The following TNFSF9 variants were observed in gnomAD, a reference collection of about 807,000 sequenced individuals.
TNFSF9 encodes tumor necrosis factor ligand superfamily member 9.
Under a neutral mutation model 10.3 loss-of-function variants are expected in TNFSF9, and 10 were observed. The observed-to-expected ratio is 0.97, with a 90% CI of 0.60 to 1.65. The LOEUF (loss-of-function observed/expected upper bound fraction) is 1.65, where lower values mean the gene tolerates loss of function less well. TNFSF9 is among the 40% of genes most tolerant of loss of function. TNFSF9 has a pLI of 0.00. For synonymous variants in TNFSF9, 195 were observed against 176.1 expected (o/e 1.11, Z -0.85); for missense variants, 361 against 348.9 (o/e 1.03, Z -0.28).
At chr19:6,532,691 G>A (rs1416728765) in intron 1 of TNFSF9, 95 bp from the exon 2 acceptor site, 14 of 1,581,710 alleles carry the variant, frequency 8.9e-6, no homozygotes, top group Non-Finnish European at 1.2e-5. Flanking sequence ...GGTCGGCACA[G>A]ACTCTGGGGA....
chr19:6,534,498 G>A (rs944084642), intron 2 of TNFSF9, 102 bp from the exon 3 acceptor site: 10 of 689,674 alleles, frequency 1.4e-5, no homozygotes, highest in South Asian at 1.3e-4. Context: ...CCCCTGACCC[G>A]TTCTTTTCTC....
chr19:6,534,558 G>T, intron 2 of TNFSF9, 42 bp from the exon 3 acceptor site: 1 of 1,517,982 alleles, frequency 6.6e-7, no homozygotes, highest in South Asian at 1.3e-5. Flanking sequence ...AGCTGTGCTG[G>T]GACATGCTCA....
At chr19:6,532,754 C>G (rs1454310665) in intron 1 of TNFSF9, 32 bp from the exon 2 acceptor site, 1 of 1,613,726 alleles carries the variant, frequency 6.2e-7, no homozygotes, top group Non-Finnish European at 8.5e-7. Context: ...AGGGGAACCC[C>G]CATCCACTTT....
chr19:6,531,110 G>T lies in TNFSF9; in HGVS notation c.74G>T (p.Arg25Leu). 1 of 1,610,632 alleles carries T rather than the reference G, an allele frequency of 6.2e-7. No individual in the cohort carries two copies. Among genetic ancestry groups the T allele is most frequent in the South Asian group, 1.1e-5 (1 of 90,980 alleles). ...CCCGCGCCCCGCGCTCGCGCCTGCC[G>T]CGTACTGCCTTGGGCCCTGGTCGCG... Reference protein sequence around the residue: ...WPPAPRARACRVLPWALVAGL... With the variant: ...WPPAPRARACLVLPWALVAGL... Residue 25 changes from arginine (R) to leucine (L), a missense_variant, in exon 1 of 3, where the codon CGC becomes CTC. By Grantham distance (102) the Arg-to-Leu change is moderately radical. Coordinates refer to ENST00000245817, the MANE Select transcript of TNFSF9 (RefSeq NM_003811.4).
chr19:6,532,207 C>T (rs1915160033), intron 1 of TNFSF9, among the ~76,000 whole-genome samples: 1 of 152,010 alleles, frequency 6.6e-6, no homozygotes, highest in African/African-American at 2.4e-5. Flanking sequence ...GAAGAGGGAT[C>T]GCTTTTCCCT....
At chr19:6,531,999 G>A (rs1024851561) in intron 1 of TNFSF9, among the ~76,000 whole-genome samples, 1 of 151,994 alleles carries the variant, frequency 6.6e-6, no homozygotes, top group Admixed American at 6.5e-5. Flanking sequence ...TTTTTACCCC[G>A]CACCCCCACA....
At position 6,535,758 on chromosome 19, in the gene TNFSF9, G is replaced by C. The variant is rs1053104761; in HGVS notation, c.*692G>C. The C allele has an allele frequency of 6.6e-6, 1 of 152,064 alleles. No homozygotes were observed. Among genetic ancestry groups the C allele is most frequent in the Non-Finnish European group, 1.5e-5 (1 of 68,022 alleles). The allele number at this position is 152,064 out of a possible 1,614,324, so 9.4% of individuals were successfully genotyped here. On this transcript the variant is annotated 3_prime_UTR_variant, in exon 3 of 3. Transcript: ENST00000245817. The stretch of plus-strand genomic sequence containing the variant: ...ATGCAGCCTCCAGCCTCGACCTCCC[G>C]AGGCTCAGGTGATCCTCCCATCTCA...
chr19:6,532,577 G>A (rs1376425704), intron 1 of TNFSF9, among the ~76,000 whole-genome samples: 2 of 151,230 alleles, frequency 1.3e-5, no homozygotes, highest in African/African-American at 2.4e-5. Context: ...GTGGGTGTTC[G>A]TGTGTGTGTT....
At chr19:6,531,959 A>C (rs758448064) in intron 1 of TNFSF9, among the ~76,000 whole-genome samples, 4 of 151,932 alleles carry the variant, frequency 2.6e-5, no homozygotes, top group Non-Finnish European at 4.4e-5. Flanking sequence ...TCCTTTCTCT[A>C]TGTAGGACTT....
chr19:6,531,552 C>A (rs1408337026), intron 1 of TNFSF9, among the ~76,000 whole-genome samples: 1 of 152,016 alleles, frequency 6.6e-6, no homozygotes, highest in East Asian at 1.9e-4. Flanking sequence ...CCCAACAGTT[C>A]TTTTTGGACC....
chr19:6,534,640 A>G lies in TNFSF9; in HGVS notation c.339A>G (p.Pro113=). Reference sequence around the variant, plus strand: ...GGCCCCTGAGCTGGTACAGTGACCCAGGCCTGGCAGGCGTGTCCCTGACGG... The same window carrying G: ...GGCCCCTGAGCTGGTACAGTGACCCGGGCCTGGCAGGCGTGTCCCTGACGG... ...IDGPLSWYSD[P]GLAGVSLTGG... is the part of the protein sequence containing the mutation. The change falls in exon 3 of 3, where the codon CCA becomes CCG. Residue 113 remains proline, a synonymous_variant. Coordinates refer to ENST00000245817, the MANE Select transcript of TNFSF9 (RefSeq NM_003811.4). The G allele has an allele frequency of 6.3e-7, 1 of 1,585,736 alleles. No individual in the cohort carries two copies. The highest frequency in any genetic ancestry group is 8.6e-7 in the Non-Finnish European group (1 of 1,166,548).
intron 2 of TNFSF9, 92 bp from the exon 3 acceptor site, chr19:6,534,508 C>T (rs1369469388): frequency 2.8e-6 from 3 of 1,087,446 alleles, no homozygotes; most frequent in Non-Finnish European, 3.6e-6. Context: ...GTTCTTTTCT[C>T]CCAGGGCTGC....
At position 6,532,469 on chromosome 19, in the gene TNFSF9, G is replaced by C. The variant is rs2145285701; in HGVS notation, c.268-317G>C. 2.0e-5 allele frequency among the ~76,000 whole-genome samples: 3 copies of C among 150,584 alleles called. No individual in the cohort carries two copies. In the East Asian group the frequency reaches 5.9e-4, roughly 29 times the overall value. Reference sequence around the variant, plus strand: ...CATGTGGGTGTGTTTGGATATTTGTGTTCGTGTGTGTCTGTGTGTGTTCGT... The same window carrying C: ...CATGTGGGTGTGTTTGGATATTTGTCTTCGTGTGTGTCTGTGTGTGTTCGT... On this transcript the variant is annotated intron_variant, in intron 1 of 2. Coordinates refer to ENST00000245817, the MANE Select transcript of TNFSF9 (RefSeq NM_003811.4).
intron 1 of TNFSF9, 21 bp from the exon 2 acceptor site, chr19:6,532,765 C>A: frequency 6.2e-7 from 1 of 1,613,722 alleles, no homozygotes; most frequent in Non-Finnish European, 8.5e-7. Flanking sequence ...CATCCACTTT[C>A]CTCCTTTCTA....
rs748359004 is a variant in TNFSF9 at position 6,534,873 on chromosome 19, A to AGGCTCGGAACTC, written c.576_587dup (p.Arg193_Ala196dup). 6 of 1,607,448 alleles carry AGGCTCGGAACTC rather than the reference A, an allele frequency of 3.7e-6. No homozygotes were observed. The African/African-American group carries it at 8.0e-5, about 21-fold the overall frequency. On this transcript the variant is annotated inframe_insertion, in exon 3 of 3. Coordinates refer to ENST00000245817, the MANE Select transcript of TNFSF9 (RefSeq NM_003811.4). The stretch of plus-strand genomic sequence containing the variant: ...GTGGACCTGCCACCCGCCTCCTCCG[A>AGGCTCGGAACTC]GGCTCGGAACTCGGCCTTCGGTTTC...
Position 6,535,434 on chromosome 19 carries a change from C to G in TNFSF9, c.*368C>G, listed in dbSNP as rs990573270. On this transcript the variant is annotated 3_prime_UTR_variant, in exon 3 of 3. Coordinates refer to ENST00000245817, the MANE Select transcript of TNFSF9 (RefSeq NM_003811.4). Reference sequence around the variant, plus strand: ...GACTTAGACGATCCTCCTGCCTCAGCCTCCCAAGCAACTGGGATTCATCCT... The same window carrying G: ...GACTTAGACGATCCTCCTGCCTCAGGCTCCCAAGCAACTGGGATTCATCCT... 2 of 151,534 alleles carry G rather than the reference C, an allele frequency of 1.3e-5. No individual in the cohort carries two copies. Among genetic ancestry groups the G allele is most frequent in the African/African-American group, 4.8e-5 (2 of 41,256 alleles). The allele number at this position is 151,534 out of a possible 1,614,324, so 9.4% of individuals were successfully genotyped here.
intron 2 of TNFSF9, among the ~76,000 whole-genome samples, 193 bp from the exon 3 acceptor site, chr19:6,534,407 C>G (rs902858684): frequency 8.2e-6 from 1 of 121,408 alleles, no homozygotes; most frequent in Non-Finnish European, 1.9e-5. Context: ...TCAATCAGCA[C>G]CCCCCCAACG....
At chr19:6,531,575 CCTT>C (rs1336646207) in intron 1 of TNFSF9, among the ~76,000 whole-genome samples, 3 of 152,002 alleles carry the variant, frequency 2.0e-5, no homozygotes, top group East Asian at 3.9e-4. Flanking sequence ...CCAAGGGTCT[CCTT>C]CTTCTAGTCC....
At chr19:6,532,455 GTT>G (rs1263089249) in intron 1 of TNFSF9, among the ~76,000 whole-genome samples, 11 of 151,228 alleles carry the variant, frequency 7.3e-5, no homozygotes, top group Non-Finnish European at 1.0e-4. Flanking sequence ...ATGTGGGTGT[GTT>G]TGGATATTTG....
Sources: allele counts gnomAD v4.1 joint callset (sites outside exome capture counted in the v4.1 genomes callset), GRCh38; gene constraint gnomAD v4.1.1; transcripts MANE v1.5; gene names NCBI Gene and HGNC (gene_info 2026-07-23, HGNC 2026-07-21).